MTUS2: variants seen among roughly 807,000 people sequenced by gnomAD.
The protein encoded by MTUS2 is microtubule associated scaffold protein 2.
In MTUS2, 40 loss-of-function variants were observed where a neutral mutation model predicts 114.1. The ratio of observed to expected loss-of-function variants is 0.35; its 90% CI spans 0.27 to 0.46. The LOEUF (loss-of-function observed/expected upper bound fraction) is 0.46. Ranked by LOEUF, MTUS2 falls within the 20% of genes least tolerant of loss-of-function variation. MTUS2 has a pLI of 1.00. For synonymous variants in MTUS2, 688 were observed against 672.0 expected (o/e 1.02, Z -0.37); for missense variants, 1,679 against 1,705.4 (o/e 0.98, Z 0.27).
At chr13:28,911,120 C>T (rs1411271817) in intron 2 of MTUS2, among the ~76,000 whole-genome samples, 1 of 150,738 alleles carries the variant, frequency 6.6e-6, no homozygotes, top group Admixed American at 6.6e-5. Flanking sequence ...CGTGATCTGC[C>T]CACCTTGGCC....
intron 4 of MTUS2, among the ~76,000 whole-genome samples, chr13:29,065,419 G>C (rs1334547242): frequency 6.6e-6 from 1 of 152,044 alleles, no homozygotes; most frequent in African/African-American, 2.4e-5. Flanking sequence ...TTGACCTCAT[G>C]TATGCCTTCT....
At chr13:29,203,816 A>G (rs1369671462) in intron 5 of MTUS2, among the ~76,000 whole-genome samples, 3 of 151,928 alleles carry the variant, frequency 2.0e-5, no homozygotes, top group Non-Finnish European at 2.9e-5. Context: ...GTGAGGCAGC[A>G]CCCCACCCTG....
intron 4 of MTUS2, among the ~76,000 whole-genome samples, chr13:29,055,155 G>A (rs1888075192): frequency 6.6e-6 from 1 of 151,924 alleles, no homozygotes; most frequent in Non-Finnish European, 1.5e-5. Flanking sequence ...ATGGAAATTT[G>A]GATTTAAAAC....
rs60067754 is a variant in MTUS2 at position 29,036,836 on chromosome 13, C to CTTTT, written c.2446+2717_2446+2720dup. Among the ~76,000 whole-genome samples, 116 of 148,286 alleles carry CTTTT rather than the reference C, an allele frequency of 7.8e-4. 1 individual carries two copies. The South Asian group carries it at 0.015, about 19-fold the overall frequency. On this transcript the variant is annotated intron_variant, in intron 4 of 15. Transcript: ENST00000612955. ...CAGAGATTAGGATTGCAACCCTTGT[C>CTTTT]TTTTTTTTTGGTTTCCATTTGCTTG... is the stretch of plus-strand genomic sequence containing the variant.
chr13:29,018,489 A>G (rs1432116719), intron 2 of MTUS2, among the ~76,000 whole-genome samples: 1 of 152,224 alleles, frequency 6.6e-6, no homozygotes, highest in Non-Finnish European at 1.5e-5. Flanking sequence ...ATGTATGTGC[A>G]TTTGGCCGGG....
intron 2 of MTUS2, among the ~76,000 whole-genome samples, chr13:28,885,375 A>G (rs182589322): frequency 1.3e-5 from 2 of 152,208 alleles, no homozygotes; most frequent in African/African-American, 2.4e-5. Context: ...CTGATTGTCA[A>G]CATTTATGGA....
chr13:28,959,927 G>A (rs544707925), intron 2 of MTUS2, among the ~76,000 whole-genome samples: 1 of 152,290 alleles, frequency 6.6e-6, no homozygotes, highest in South Asian at 2.1e-4. Flanking sequence ...TCAGTTTAAA[G>A]GAGTCAGCAT....
intron 2 of MTUS2, among the ~76,000 whole-genome samples, chr13:28,874,646 G>T (rs1055645834): frequency 6.6e-6 from 1 of 152,142 alleles, no homozygotes; most frequent in East Asian, 1.9e-4. Context: ...AGAGCAAACC[G>T]TCCAAGAGGC....
chr13:28,845,665 TTTTTTTTA>T, intron 2 of MTUS2, among the ~76,000 whole-genome samples: 1 of 151,974 alleles, frequency 6.6e-6, no homozygotes, highest in Non-Finnish European at 1.5e-5. Flanking sequence ...TGTTTGTTTT[TTTTTTTTA>T]ACCTAGACAA....
intron 5 of MTUS2, among the ~76,000 whole-genome samples, chr13:29,174,084 C>T (rs1462477826): frequency 6.6e-6 from 1 of 152,108 alleles, no homozygotes; most frequent in African/African-American, 2.4e-5. Context: ...AAAAAACACA[C>T]CTATAAGTTA....
intron 9 of MTUS2, among the ~76,000 whole-genome samples, chr13:29,474,884 T>A (rs1880580571): frequency 6.6e-6 from 1 of 152,226 alleles, no homozygotes; most frequent in South Asian, 2.1e-4. Flanking sequence ...ATGTGTTCTG[T>A]CTGTTTTATT....
chr13:29,016,199 G>A (rs1006615831), intron 2 of MTUS2, among the ~76,000 whole-genome samples: 7 of 152,042 alleles, frequency 4.6e-5, no homozygotes, highest in African/African-American at 1.4e-4. Flanking sequence ...CACCATGCCT[G>A]GCCAATTCAT....
At chr13:28,992,331 G>A (rs1884898833) in intron 2 of MTUS2, among the ~76,000 whole-genome samples, 1 of 152,178 alleles carries the variant, frequency 6.6e-6, no homozygotes, top group Non-Finnish European at 1.5e-5. Context: ...TTTCCATGGT[G>A]GCAAGTTGAT....
chr13:29,176,590 A>G (rs939461584), intron 5 of MTUS2, among the ~76,000 whole-genome samples: 3 of 152,172 alleles, frequency 2.0e-5, no homozygotes, highest in African/African-American at 4.8e-5. Flanking sequence ...TCTCTGCTTC[A>G]TGACACCTCT....
intron 4 of MTUS2, among the ~76,000 whole-genome samples, chr13:29,067,923 A>G (rs1348019162): frequency 6.8e-6 from 1 of 146,536 alleles, no homozygotes; most frequent in East Asian, 2.0e-4. Context: ...GAGTGGGCAA[A>G]GATTCCTGTG....
intron 2 of MTUS2, among the ~76,000 whole-genome samples, chr13:28,888,514 T>C (rs1213083231): frequency 6.6e-6 from 1 of 151,256 alleles, no homozygotes; most frequent in African/African-American, 2.4e-5. Flanking sequence ...CTTTGCCTCC[T>C]GGGTTCAAGC....
At chr13:28,986,687 A>G (rs1353244082) in intron 2 of MTUS2, among the ~76,000 whole-genome samples, 1 of 152,216 alleles carries the variant, frequency 6.6e-6, no homozygotes, top group South Asian at 2.1e-4. Flanking sequence ...ACAGCTTGGT[A>G]TTACTATTCC....
At chr13:28,973,981 G>A (rs773325509) in intron 2 of MTUS2, among the ~76,000 whole-genome samples, 5 of 152,326 alleles carry the variant, frequency 3.3e-5, no homozygotes, top group South Asian at 2.1e-4. Context: ...TGAGTAAAGC[G>A]TGCTGGGTGT....
At chr13:29,002,150 A>G (rs1045030943) in intron 2 of MTUS2, among the ~76,000 whole-genome samples, 1 of 152,208 alleles carries the variant, frequency 6.6e-6, no homozygotes, top group Non-Finnish European at 1.5e-5. Context: ...AGTTATAGGA[A>G]ATGAATGCAG....
Sources: gnomAD v4.1 joint callset for allele counts (sites outside exome capture counted in the v4.1 genomes callset) on GRCh38, gnomAD v4.1.1 for gene constraint, MANE v1.5 for transcripts, NCBI Gene and HGNC (gene_info 2026-07-23, HGNC 2026-07-21) for gene names.